Variants in ADAD1 observed in about 807,000 individuals in gnomAD.
The protein encoded by ADAD1 is adenosine deaminase domain containing 1.
Under a neutral mutation model 66.8 loss-of-function variants are expected in ADAD1, and 46 were observed. The observed-to-expected ratio is 0.69, with a 90% CI of 0.54 to 0.88. The LOEUF is 0.88. ADAD1 is among the 40% of genes least tolerant of loss of function. The pLI is 0.00. For missense variants in ADAD1, 617 were observed against 681.8 expected (o/e 0.91, Z 1.06); for synonymous variants, 248 against 229.4 (o/e 1.08, Z -0.73).
At position 122,380,293 on chromosome 4, in the gene ADAD1, T is replaced by C. The variant is rs1303840461; in HGVS notation, c.172+52T>C. On this transcript the variant is annotated intron_variant, in intron 3 of 12. Transcript: ENST00000296513. ...GAGTCAGTTCTTTAAGATTCTAGGA[T>C]GGCCAGTAAGTTCTGTCGAGTCTCT... is the stretch of plus-strand genomic sequence containing the variant. The C allele has an allele frequency of 2.6e-6, 4 of 1,554,928 alleles. No individual in the cohort carries two copies. The Admixed American group carries it at 7.8e-5, about 30-fold the overall frequency.
intron 5 of ADAD1, among the ~76,000 whole-genome samples, chr4:122,386,875 A>G (rs758541392): frequency 6.6e-6 from 1 of 152,034 alleles, no homozygotes. Context: ...TGAGGTATCT[A>G]TTCTGCTCCA....
chr4:122,420,525 G>A (rs1259929226), intron 11 of ADAD1, among the ~76,000 whole-genome samples: 1 of 152,168 alleles, frequency 6.6e-6, no homozygotes, highest in Non-Finnish European at 1.5e-5. Context: ...CAAATCACAA[G>A]GCTACTAAAA....
chr4:122,399,559 G>A (rs1042492857), intron 7 of ADAD1, among the ~76,000 whole-genome samples: 1 of 152,136 alleles, frequency 6.6e-6, no homozygotes, highest in African/African-American at 2.4e-5. Context: ...CATTGAATCT[G>A]TAGATTGCTT....
At chr4:122,379,553 G>A (rs974768149) in intron 2 of ADAD1, 108 bp downstream of exon 2, 1 of 154,002 alleles carries the variant, frequency 6.5e-6, no homozygotes, top group East Asian at 1.9e-4. Context: ...ACCTCGCGCA[G>A]AGCGGCCTGA....
At chr4:122,421,155 A>T in intron 11 of ADAD1, 106 bp from the exon 12 acceptor site, 1 of 905,896 alleles carries the variant, frequency 1.1e-6, no homozygotes, top group Admixed American at 3.4e-5. Context: ...GTATATTGCA[A>T]ATAATCAAGA....
At chr4:122,383,471 C>T (rs1179959403) in intron 4 of ADAD1, among the ~76,000 whole-genome samples, 7 of 151,372 alleles carry the variant, frequency 4.6e-5, no homozygotes, top group African/African-American at 1.4e-4. Context: ...TCTCACTAGC[C>T]GTTTGACAGA....
chr4:122,415,847 G>T (rs1012972656), intron 11 of ADAD1, among the ~76,000 whole-genome samples: 2 of 151,926 alleles, frequency 1.3e-5, no homozygotes, highest in African/African-American at 4.8e-5. Flanking sequence ...ATAGCTTACT[G>T]AAATTACATA....
chr4:122,421,420 AG>A (rs1796997401), intron 12 of ADAD1, 30 bp downstream of exon 12: 2 of 1,479,118 alleles, frequency 1.4e-6, no homozygotes, highest in Non-Finnish European at 1.8e-6. Flanking sequence ...AAGTTATCAT[AG>A]GAATAAAATT....
intron 5 of ADAD1, among the ~76,000 whole-genome samples, chr4:122,384,373 A>G (rs1475650870): frequency 1.3e-5 from 2 of 152,222 alleles, no homozygotes; most frequent in African/African-American, 4.8e-5. Flanking sequence ...GGCCTAAGGT[A>G]GCATAGCAAA....
Position 122,425,471 on chromosome 4 carries a change from T to C in ADAD1, c.1617+4081T>C, listed in dbSNP as rs376741359. Among the ~76,000 whole-genome samples the C allele has an allele frequency of 2.6e-5, 4 of 152,112 alleles. No homozygotes were observed. In the East Asian group the frequency reaches 5.8e-4, roughly 22 times the overall value. On this transcript the variant is annotated intron_variant, in intron 12 of 12. Coordinates refer to ENST00000296513, the MANE Select transcript of ADAD1 (RefSeq NM_139243.4). The stretch of plus-strand genomic sequence containing the variant: ...AAATTATTAGGAAAACTAAGAAATA[T>C]CTTGAACTAAGTGAAAGTGAAATGT...
At chr4:122,384,537 A>C (rs533046859) in intron 5 of ADAD1, among the ~76,000 whole-genome samples, 1 of 152,316 alleles carries the variant, frequency 6.6e-6, no homozygotes, top group East Asian at 1.9e-4. Flanking sequence ...TAGATAAACA[A>C]TGCATGCAAA....
chr4:122,381,178 C>T lies in ADAD1; in HGVS notation c.359C>T (p.Thr120Ile), dbSNP rs931925411. ...VQLDLKETVT[T>I]GNVMGPYFAF... ...CTTGACCTTAAGGAAACTGTGACAA[C>T]AGGCAAGTGTAAAATTGTATTTGTC... The change falls in exon 4 of 13, where the codon ACA (threonine) becomes ATA (isoleucine). Residue 120 changes from threonine to isoleucine, a missense_variant and splice_region_variant. Coordinates refer to ENST00000296513, the MANE Select transcript of ADAD1 (RefSeq NM_139243.4). The T allele has an allele frequency of 7.7e-6, 12 of 1,550,604 alleles. No individual in the cohort carries two copies. Among genetic ancestry groups the T allele is most frequent in the East Asian group, 2.4e-5 (1 of 42,258 alleles).
intron 5 of ADAD1, among the ~76,000 whole-genome samples, chr4:122,384,725 T>C (rs963418240): frequency 2.0e-5 from 3 of 152,222 alleles, no homozygotes; most frequent in Admixed American, 2.0e-4. Flanking sequence ...TCAGAATGTT[T>C]ATGTAGGGCT....
chr4:122,398,423 G>T (rs1413915372), intron 7 of ADAD1, among the ~76,000 whole-genome samples: 2 of 152,064 alleles, frequency 1.3e-5, no homozygotes, highest in East Asian at 3.9e-4. Context: ...GTTGCAAATT[G>T]TGCTGCTATA....
chr4:122,418,471 C>T (rs45501297), intron 11 of ADAD1, among the ~76,000 whole-genome samples: 7,468 of 151,884 alleles, frequency 0.049, 258 homozygotes, highest in Non-Finnish European at 0.074. Context: ...TACAGGCGCC[C>T]GCCACCACAC....
intron 12 of ADAD1, among the ~76,000 whole-genome samples, chr4:122,429,202 G>C (rs1424453781): frequency 6.6e-6 from 1 of 151,814 alleles, no homozygotes; most frequent in African/African-American, 2.4e-5. Context: ...GGGAGGCCAA[G>C]GTGGGAGGAC....
chr4:122,396,449 C>T, intron 7 of ADAD1, 72 bp downstream of exon 7: 1 of 1,285,306 alleles, frequency 7.8e-7, no homozygotes, highest in Non-Finnish European at 1.0e-6. Flanking sequence ...ACTATCTTTG[C>T]CCCTGTACAC....
intron 3 of ADAD1, among the ~76,000 whole-genome samples, chr4:122,380,758 CACTT>C (rs932658365): frequency 3.9e-5 from 6 of 152,138 alleles, no homozygotes; most frequent in African/African-American, 7.2e-5. Context: ...CCCTTGATAT[CACTT>C]AATAATGACA....
intron 4 of ADAD1, among the ~76,000 whole-genome samples, chr4:122,382,988 G>T (rs1794978291): frequency 6.6e-6 from 1 of 152,162 alleles, no homozygotes; most frequent in African/African-American, 2.4e-5. Flanking sequence ...AGCATTGTAT[G>T]TAGCCATCTG....
Sources: gnomAD v4.1 joint callset for allele counts (sites outside exome capture counted in the v4.1 genomes callset) on GRCh38, gnomAD v4.1.1 for gene constraint, MANE v1.5 for transcripts, NCBI Gene and HGNC (gene_info 2026-07-23, HGNC 2026-07-21) for gene names.